UNC5D: variants seen among roughly 807,000 people sequenced by gnomAD.
The protein encoded by UNC5D is unc-5 netrin receptor D.
In UNC5D, 39 loss-of-function variants were observed where a neutral mutation model predicts 105.4. The ratio of observed to expected loss-of-function variants is 0.37; its 90% CI spans 0.29 to 0.48. The LOEUF is 0.48. Ranked by LOEUF, UNC5D falls within the 20% of genes least tolerant of loss-of-function variation. The pLI, the probability that UNC5D is intolerant of heterozygous loss-of-function variation, is 0.98. For missense variants in UNC5D, 991 were observed against 1,202.4 expected (o/e 0.82, Z 2.60); for synonymous variants, 452 against 450.4 (o/e 1.00, Z -0.04).
At chr8:35,621,987 A>G (rs1214232773) in intron 4 of UNC5D, among the ~76,000 whole-genome samples, 1 of 152,248 alleles carries the variant, frequency 6.6e-6, no homozygotes, top group Non-Finnish European at 1.5e-5. Flanking sequence ...AACTGGAGAT[A>G]CTACTGTTCC....
chr8:35,708,127 A>G (rs1342606133), intron 8 of UNC5D, among the ~76,000 whole-genome samples: 2 of 152,210 alleles, frequency 1.3e-5, no homozygotes. Context: ...GTGCCTATAT[A>G]TAGCCATACA....
chr8:35,785,404 G>A (rs1441969118), intron 16 of UNC5D, among the ~76,000 whole-genome samples: 1 of 152,188 alleles, frequency 6.6e-6, no homozygotes, highest in Admixed American at 6.6e-5. Context: ...CTGTCGCCCA[G>A]GTTGGAGTGC....
chr8:35,270,932 T>C (rs1360442512), intron 1 of UNC5D, among the ~76,000 whole-genome samples: 5 of 151,930 alleles, frequency 3.3e-5, no homozygotes, highest in Non-Finnish European at 7.4e-5. Flanking sequence ...ATGGTATATA[T>C]ATATATATTA....
chr8:35,301,631 A>G (rs1807965897), intron 1 of UNC5D, among the ~76,000 whole-genome samples: 1 of 152,208 alleles, frequency 6.6e-6, no homozygotes, highest in African/African-American at 2.4e-5. Flanking sequence ...ATTGGCTGAA[A>G]TATGGCTGTT....
intron 7 of UNC5D, among the ~76,000 whole-genome samples, chr8:35,704,521 G>A (rs1004885684): frequency 6.6e-6 from 1 of 152,178 alleles, no homozygotes; most frequent in African/African-American, 2.4e-5. Context: ...ACCTCACATG[G>A]CTCACCTTCG....
At chr8:35,547,860 T>C (rs1400885042) in intron 1 of UNC5D, among the ~76,000 whole-genome samples, 1 of 152,136 alleles carries the variant, frequency 6.6e-6, no homozygotes, top group African/African-American at 2.4e-5. Flanking sequence ...TCTTAATGAG[T>C]ATTGACTCAC....
chr8:35,349,161 A>G (rs1487047834), intron 1 of UNC5D, among the ~76,000 whole-genome samples: 1 of 152,070 alleles, frequency 6.6e-6, no homozygotes, highest in East Asian at 1.9e-4. Context: ...TGACAAAGGA[A>G]GGAGTTTTTT....
intron 4 of UNC5D, among the ~76,000 whole-genome samples, chr8:35,653,736 T>A (rs1406158362): frequency 1.3e-5 from 2 of 152,258 alleles, no homozygotes; most frequent in Admixed American, 6.5e-5. Context: ...ATTTCATTAA[T>A]TTTCATTTCT....
intron 3 of UNC5D, among the ~76,000 whole-genome samples, chr8:35,578,225 CAA>C (rs5890822): frequency 2.2e-3 from 130 of 59,176 alleles, no homozygotes; most frequent in African/African-American, 4.9e-3. Flanking sequence ...AACTCTGTCT[CAA>C]AAAAAAAAAA....
chr8:35,295,096 T>C (rs1267789336), intron 1 of UNC5D, among the ~76,000 whole-genome samples: 1 of 152,192 alleles, frequency 6.6e-6, no homozygotes, highest in Non-Finnish European at 1.5e-5. Flanking sequence ...TACAAAGTTA[T>C]TACAGTAATA....
intron 1 of UNC5D, among the ~76,000 whole-genome samples, chr8:35,433,324 A>G (rs367739875): frequency 2.8e-4 from 42 of 152,260 alleles, no homozygotes; most frequent in Middle Eastern, 3.4e-3. Context: ...CATTTGGTCC[A>G]TTTGTTAAGG....
chr8:35,741,878 C>CA (rs1041634639), intron 11 of UNC5D, among the ~76,000 whole-genome samples: 1 of 152,118 alleles, frequency 6.6e-6, no homozygotes, highest in South Asian at 2.1e-4. Flanking sequence ...AATACCAAGT[C>CA]AAAATCTTCA....
intron 1 of UNC5D, among the ~76,000 whole-genome samples, chr8:35,335,532 G>T (rs1810957812): frequency 6.6e-6 from 1 of 152,070 alleles, no homozygotes; most frequent in African/African-American, 2.4e-5. Flanking sequence ...TTAACAATTT[G>T]AAAACTTTAG....
At chr8:35,253,104 C>CTG (rs150541415) in intron 1 of UNC5D, among the ~76,000 whole-genome samples, 2,340 of 149,310 alleles carry the variant, frequency 0.016, 61 homozygotes, top group African/African-American at 0.054. Context: ...GCAAGCTAGT[C>CTG]TGTGTGTGTG....
intron 7 of UNC5D, among the ~76,000 whole-genome samples, chr8:35,704,502 GAC>G (rs1286932845): frequency 6.6e-6 from 1 of 152,194 alleles, no homozygotes; most frequent in Admixed American, 6.5e-5. Context: ...AATCCAAAAT[GAC>G]AGTTTCACCT....
chr8:35,406,537 G>C (rs929079462), intron 1 of UNC5D, among the ~76,000 whole-genome samples: 2 of 152,002 alleles, frequency 1.3e-5, no homozygotes, highest in Non-Finnish European at 2.9e-5. Flanking sequence ...AGGGTTATTT[G>C]GTCTAAAGAA....
intron 1 of UNC5D, among the ~76,000 whole-genome samples, chr8:35,289,621 A>T (rs1190865786): frequency 6.6e-6 from 1 of 152,262 alleles, no homozygotes; most frequent in Non-Finnish European, 1.5e-5. Context: ...ATCTTAACAA[A>T]TTTAAGAGAA....
At position 35,262,329 on chromosome 8, in the gene UNC5D, T is replaced by C. The variant is rs75925457; in HGVS notation, c.103+26442T>C. The stretch of plus-strand genomic sequence containing the variant: ...TGACTAATGTCTTGGAAACTATAGT[T>C]ATGGTCGGCCGAATAGATATTGACT... On this transcript the variant is annotated intron_variant, in intron 1 of 16. Coordinates refer to ENST00000404895, the MANE Select transcript of UNC5D (RefSeq NM_080872.4). Among the ~76,000 whole-genome samples the C allele has an allele frequency of 9.8e-5, 15 of 152,318 alleles. No individual in the cohort carries two copies. In the East Asian group the frequency reaches 2.9e-3, roughly 29 times the overall value.
intron 1 of UNC5D, among the ~76,000 whole-genome samples, chr8:35,389,070 T>C (rs1803609699): frequency 6.6e-6 from 1 of 152,230 alleles, no homozygotes; most frequent in Non-Finnish European, 1.5e-5. Context: ...TGTATATAGT[T>C]ATTTCTTATC....
Sources: allele counts gnomAD v4.1 joint callset (sites outside exome capture counted in the v4.1 genomes callset), GRCh38; gene constraint gnomAD v4.1.1; transcripts MANE v1.5; gene names NCBI Gene and HGNC (gene_info 2026-07-23, HGNC 2026-07-21).